Variants in CADPS2 observed in about 807,000 individuals in gnomAD.
The protein encoded by CADPS2 is calcium-dependent secretion activator 2.
A neutral mutation model predicts 172.5 loss-of-function variants in CADPS2; 93 were observed. That is an observed-to-expected ratio of 0.54 (90% CI 0.46 to 0.64). The LOEUF (loss-of-function observed/expected upper bound fraction) is 0.64, where lower values mean the gene tolerates loss of function less well. CADPS2 is among the 30% of genes least tolerant of loss of function. The pLI, the probability that CADPS2 is intolerant of heterozygous loss-of-function variation, is 0.00. For synonymous variants in CADPS2, 546 were observed against 555.2 expected, an observed-to-expected ratio of 0.98 and a Z score of 0.23; for missense variants, 1,420 against 1,565.9, an observed-to-expected ratio of 0.91 and a Z score of 1.57.
At chr7:122,442,784 GT>G (rs148549043) in intron 15 of CADPS2, among the ~76,000 whole-genome samples, 1,712 of 148,578 alleles carry the variant, frequency 0.012, 15 homozygotes, top group Non-Finnish European at 0.014. Flanking sequence ...AGTCACTCAA[GT>G]TTTTTTTTTA....
chr7:122,628,583 T>C (rs1046053796), intron 4 of CADPS2, among the ~76,000 whole-genome samples: 1 of 151,752 alleles, frequency 6.6e-6, no homozygotes, highest in Non-Finnish European at 1.5e-5. Context: ...TTTCATATCA[T>C]TGAAGTAAGT....
chr7:122,748,423 G>C (rs780231660), intron 1 of CADPS2, among the ~76,000 whole-genome samples: 4 of 152,076 alleles, frequency 2.6e-5, no homozygotes, highest in Non-Finnish European at 4.4e-5. Flanking sequence ...AGCCATATTT[G>C]CAAGAAACAG....
intron 2 of CADPS2, among the ~76,000 whole-genome samples, chr7:122,669,946 C>T (rs1188195942): frequency 1.3e-5 from 2 of 151,784 alleles, no homozygotes; most frequent in East Asian, 3.9e-4. Flanking sequence ...GAAATCATTC[C>T]TGACTCCTCA....
intron 28 of CADPS2, 83 bp from the exon 29 acceptor site, chr7:122,325,664 T>C: frequency 1.3e-6 from 1 of 785,206 alleles, no homozygotes; most frequent in South Asian, 1.5e-5. Flanking sequence ...GATTCGATAA[T>C]GAGGGGGTAA....
intron 2 of CADPS2, among the ~76,000 whole-genome samples, chr7:122,732,433 C>G (rs1053995871): frequency 6.7e-6 from 1 of 150,070 alleles, no homozygotes; most frequent in African/African-American, 2.4e-5. Context: ...AAATAGCAAT[C>G]ATAAAGCTGA....
At chr7:122,783,035 TC>T (rs1793138638) in intron 1 of CADPS2, among the ~76,000 whole-genome samples, 1 of 151,852 alleles carries the variant, frequency 6.6e-6, no homozygotes, top group South Asian at 2.1e-4. Context: ...ACACAGTGAA[TC>T]CCCATTGCTA....
At chr7:122,829,793 T>G (rs1006268925) in intron 1 of CADPS2, among the ~76,000 whole-genome samples, 5 of 152,066 alleles carry the variant, frequency 3.3e-5, no homozygotes, top group African/African-American at 1.2e-4. Flanking sequence ...GAAGTCTTCA[T>G]TAATTACAAT....
At chr7:122,651,404 G>C (rs1179038607) in intron 3 of CADPS2, among the ~76,000 whole-genome samples, 1 of 152,120 alleles carries the variant, frequency 6.6e-6, no homozygotes, top group African/African-American at 2.4e-5. Context: ...GGACTTCTAG[G>C]GGAAGACACC....
At chr7:122,655,245 G>A (rs891651167) in intron 3 of CADPS2, among the ~76,000 whole-genome samples, 3 of 152,112 alleles carry the variant, frequency 2.0e-5, no homozygotes, top group African/African-American at 7.2e-5. Context: ...GGGTATGAGA[G>A]GACTAATTCC....
At chr7:122,707,641 T>A (rs998933106) in intron 2 of CADPS2, among the ~76,000 whole-genome samples, 1 of 151,802 alleles carries the variant, frequency 6.6e-6, no homozygotes, top group Non-Finnish European at 1.5e-5. Flanking sequence ...CTATGTATGT[T>A]TTTTTTGCAA....
intron 8 of CADPS2, among the ~76,000 whole-genome samples, chr7:122,538,374 T>A (rs1261555400): frequency 3.0e-4 from 44 of 148,198 alleles, no homozygotes; most frequent in African/African-American, 3.7e-4. Flanking sequence ...TTTTTTTTTT[T>A]TAAAAACACA....
chr7:122,645,595 T>C (rs2078427034), intron 3 of CADPS2, among the ~76,000 whole-genome samples: 1 of 132,452 alleles, frequency 7.5e-6, no homozygotes, highest in African/African-American at 2.9e-5. Flanking sequence ...ATAGAGATTA[T>C]ATATATATAT....
At chr7:122,322,796 G>T (rs1301426566) in intron 29 of CADPS2, among the ~76,000 whole-genome samples, 1 of 152,146 alleles carries the variant, frequency 6.6e-6, no homozygotes, top group Non-Finnish European at 1.5e-5. Context: ...AAGTGTCTTT[G>T]TTTAGGGTAA....
Position 122,360,787 on chromosome 7 carries a change from C to T in CADPS2, c.3504+1G>A. 6.4e-7 allele frequency: 1 copy of T among 1,553,612 alleles called. No individual in the cohort carries two copies. Among genetic ancestry groups the T allele is most frequent in the Non-Finnish European group, 8.7e-7 (1 of 1,149,646 alleles). On this transcript the variant is annotated splice_donor_variant, in intron 27 of 29. Coordinates refer to ENST00000449022, the MANE Select transcript of CADPS2 (RefSeq NM_017954.11). LOFTEE classifies it high-confidence loss of function. ...TTAAAAAGCAGATAAAAAATACTTACTGGAACATCAACATATTTTGCAGCT... is the reference window on the plus strand; with the variant it reads ...TTAAAAAGCAGATAAAAAATACTTATTGGAACATCAACATATTTTGCAGCT...
intron 14 of CADPS2, 107 bp from the exon 15 acceptor site, chr7:122,451,582 TATTA>T (rs1295811602): frequency 3.5e-6 from 2 of 563,654 alleles, no homozygotes; most frequent in Non-Finnish European, 5.9e-6. Flanking sequence ...ACTGTATACA[TATTA>T]ATTGTGTTTA....
intron 17 of CADPS2, among the ~76,000 whole-genome samples, chr7:122,423,848 G>A (rs181104806): frequency 1.6e-4 from 24 of 152,286 alleles, no homozygotes; most frequent in African/African-American, 5.5e-4. Context: ...TGATGCTCAT[G>A]ATGCTGGTGT....
intron 1 of CADPS2, among the ~76,000 whole-genome samples, chr7:122,755,274 A>G (rs2093111666): frequency 6.6e-6 from 1 of 152,206 alleles, no homozygotes; most frequent in Non-Finnish European, 1.5e-5. Context: ...GTCTTTCCTT[A>G]ATAAATTCAT....
intron 14 of CADPS2, among the ~76,000 whole-genome samples, chr7:122,455,634 T>C (rs2053671128): frequency 6.6e-6 from 1 of 152,118 alleles, no homozygotes; most frequent in East Asian, 1.9e-4. Context: ...TAAGAATTCA[T>C]GAATTAGTAA....
intron 4 of CADPS2, among the ~76,000 whole-genome samples, chr7:122,624,752 T>A (rs1024597533): frequency 6.6e-6 from 1 of 152,198 alleles, no homozygotes; most frequent in African/African-American, 2.4e-5. Flanking sequence ...CTCACAAATA[T>A]GCCAGCATGT....
Sources: allele counts gnomAD v4.1 joint callset (sites outside exome capture counted in the v4.1 genomes callset), GRCh38; gene constraint gnomAD v4.1.1; transcripts MANE v1.5; gene names NCBI Gene and HGNC (gene_info 2026-07-23, HGNC 2026-07-21).